PCDH9: variants seen among roughly 807,000 people sequenced by gnomAD.
PCDH9 encodes protocadherin-9.
Under a neutral mutation model 70.6 loss-of-function variants are expected in PCDH9, and 24 were observed. That is an observed-to-expected ratio of 0.34 (90% CI 0.25 to 0.48). The LOEUF is 0.48. Among genes scored for constraint, PCDH9 ranks in the 20% least tolerant of loss-of-function variants. PCDH9 has a pLI of 0.99. For synonymous variants in PCDH9, 562 were observed against 558.5 expected, an observed-to-expected ratio of 1.01 and a Z score of -0.09; for missense variants, 1,281 against 1,503.6, an observed-to-expected ratio of 0.85 and a Z score of 2.45.
intron 2 of PCDH9, among the ~76,000 whole-genome samples, chr13:67,130,530 C>T (rs183241901): frequency 6.6e-5 from 10 of 151,966 alleles, no homozygotes; most frequent in Admixed American, 5.2e-4. Context: ...CACAGGGGTT[C>T]GGGCCATGAG....
chr13:66,543,079 CAT>C (rs140907308), intron 4 of PCDH9, among the ~76,000 whole-genome samples: 5 of 151,832 alleles, frequency 3.3e-5, no homozygotes, highest in East Asian at 1.9e-4. Flanking sequence ...AATAATTTTA[CAT>C]GTTTTTATTT....
At chr13:66,921,657 T>C (rs2082638077) in intron 2 of PCDH9, among the ~76,000 whole-genome samples, 1 of 151,066 alleles carries the variant, frequency 6.6e-6, no homozygotes, top group South Asian at 2.1e-4. Flanking sequence ...ACTGGGAGCA[T>C]AAAAAAAGAC....
intron 4 of PCDH9, among the ~76,000 whole-genome samples, chr13:66,609,021 T>C (rs1266738010): frequency 1.3e-5 from 2 of 152,170 alleles, no homozygotes; most frequent in Non-Finnish European, 2.9e-5. Flanking sequence ...TTAAGTGAGA[T>C]CTTCAAATGG....
intron 4 of PCDH9, among the ~76,000 whole-genome samples, chr13:66,371,345 G>A (rs532217548): frequency 6.6e-6 from 1 of 152,036 alleles, no homozygotes; most frequent in East Asian, 1.9e-4. Flanking sequence ...TTTCTTGGAT[G>A]GTTGGATATT....
At chr13:66,825,334 C>CTTTTTTTTTT (rs11375050) in intron 3 of PCDH9, 1 of 103,856 alleles carries the variant, frequency 9.6e-6, no homozygotes, top group Admixed American at 1.3e-4. Context: ...GTTATAAAAA[C>CTTTTTTTTTT]TTTTTTTTTT....
chr13:67,109,135 T>G (rs1489047564), intron 2 of PCDH9, among the ~76,000 whole-genome samples: 1 of 152,196 alleles, frequency 6.6e-6, no homozygotes, highest in African/African-American at 2.4e-5. Flanking sequence ...TTTGAAATTT[T>G]TAAAGAGGTA....
intron 2 of PCDH9, among the ~76,000 whole-genome samples, chr13:66,929,334 T>C (rs1398608342): frequency 1.3e-5 from 2 of 151,882 alleles, no homozygotes; most frequent in Non-Finnish European, 2.9e-5. Flanking sequence ...ATTTTTTATA[T>C]ATTTTTTAGA....
intron 4 of PCDH9, among the ~76,000 whole-genome samples, chr13:66,364,880 G>A (rs1056486221): frequency 3.9e-5 from 6 of 152,094 alleles, no homozygotes; most frequent in Admixed American, 1.3e-4. Flanking sequence ...CAATGCGAAC[G>A]GCAGACTCAA....
chr13:67,122,214 C>A, intron 2 of PCDH9, among the ~76,000 whole-genome samples: 1 of 152,108 alleles, frequency 6.6e-6, no homozygotes, highest in East Asian at 1.9e-4. Context: ...AATGCCTATG[C>A]CTAGCCATGA....
At chr13:66,530,016 C>T (rs968981834) in intron 4 of PCDH9, among the ~76,000 whole-genome samples, 5 of 151,982 alleles carry the variant, frequency 3.3e-5, no homozygotes, top group African/African-American at 1.2e-4. Flanking sequence ...TGAACACACA[C>T]ATGCATACAT....
chr13:66,542,469 C>A (rs888009428), intron 4 of PCDH9, among the ~76,000 whole-genome samples: 14 of 151,642 alleles, frequency 9.2e-5, no homozygotes, highest in African/African-American at 2.2e-4. Context: ...GCCTTAAAAT[C>A]AAAAAACTAG....
intron 3 of PCDH9, among the ~76,000 whole-genome samples, chr13:66,899,936 C>G (rs1245485955): frequency 2.6e-5 from 4 of 151,842 alleles, no homozygotes; most frequent in Non-Finnish European, 5.9e-5. Context: ...TGTTTGGAAA[C>G]TTTGTGTTTG....
At chr13:67,097,771 C>T (rs2086353455) in intron 2 of PCDH9, among the ~76,000 whole-genome samples, 1 of 152,028 alleles carries the variant, frequency 6.6e-6, no homozygotes, top group Non-Finnish European at 1.5e-5. Context: ...CTACATACCT[C>T]GAACTGATGA....
intron 2 of PCDH9, among the ~76,000 whole-genome samples, chr13:67,056,111 A>G (rs1171936009): frequency 6.6e-6 from 1 of 152,224 alleles, no homozygotes; most frequent in African/African-American, 2.4e-5. Context: ...GTGAAGTTGC[A>G]TATATTAAGC....
chr13:66,326,282 T>A (rs920272586), intron 4 of PCDH9, among the ~76,000 whole-genome samples: 1 of 152,066 alleles, frequency 6.6e-6, no homozygotes, highest in Admixed American at 6.6e-5. Context: ...CAGTATTCCA[T>A]GTTTCCCCAT....
intron 4 of PCDH9, among the ~76,000 whole-genome samples, chr13:66,538,620 G>T (rs1454866021): frequency 6.9e-6 from 1 of 145,602 alleles, no homozygotes; most frequent in African/African-American, 2.5e-5. Context: ...CTTGTTGGGG[G>T]TCAATCTTTT....
intron 3 of PCDH9, among the ~76,000 whole-genome samples, chr13:66,725,794 A>AG (rs2078998302): frequency 6.6e-6 from 1 of 152,210 alleles, no homozygotes; most frequent in South Asian, 2.1e-4. Context: ...TTACAAATAG[A>AG]GGGGGAACAG....
intron 3 of PCDH9, among the ~76,000 whole-genome samples, chr13:66,895,063 C>A (rs2082154652): frequency 6.6e-6 from 1 of 152,122 alleles, no homozygotes; most frequent in Non-Finnish European, 1.5e-5. Flanking sequence ...CCGCCTTGGC[C>A]TCCCAAAGTG....
chr13:66,726,387 T>C (rs1289532918), intron 3 of PCDH9, among the ~76,000 whole-genome samples: 3 of 152,054 alleles, frequency 2.0e-5, no homozygotes, highest in Non-Finnish European at 2.9e-5. Context: ...TAAGGAAAAA[T>C]GCAATTAGAT....
Sources: allele counts gnomAD v4.1 joint callset (sites outside exome capture counted in the v4.1 genomes callset), GRCh38; gene constraint gnomAD v4.1.1; transcripts MANE v1.5; gene names NCBI Gene and HGNC (gene_info 2026-07-23, HGNC 2026-07-21).